ANKRD18B: variants seen among roughly 807,000 people sequenced by gnomAD.
The protein encoded by ANKRD18B is ankyrin repeat domain-containing protein 18B.
ANKRD18B carries 75 observed loss-of-function variants against 111.8 expected under a neutral mutation model. The observed-to-expected ratio is 0.67, with a 90% CI of 0.56 to 0.81. ANKRD18B has a LOEUF of 0.81. Ranked by LOEUF, ANKRD18B falls within the 40% of genes least tolerant of loss-of-function variation. The pLI, the probability that ANKRD18B is intolerant of heterozygous loss-of-function variation, is 0.00. For missense variants in ANKRD18B, 1,038 were observed against 1,225.5 expected (o/e 0.85, Z 2.28); for synonymous variants, 356 against 417.3 (o/e 0.85, Z 1.79).
Position 33,548,525 on chromosome 9 carries a change from G to C in ANKRD18B, c.1737G>C (p.Gln579His), listed in dbSNP as rs1216564360. Residue 579 changes from glutamine to histidine, a missense_variant, in exon 11 of 19, where the codon CAG (glutamine) becomes CAC (histidine). Coordinates refer to ENST00000684830, the MANE Select transcript of ANKRD18B (RefSeq NM_001393611.1). ...AGACATTGGCTTTAGAAAGTGTACA[G>C]CTGGACCTAAAGCAAGCGCAGCATC... ...REKTLALESV[Q>H]LDLKQAQHRI... 2 of 1,551,130 alleles carry C rather than the reference G, an allele frequency of 1.3e-6. No homozygotes were observed. The highest frequency in any genetic ancestry group is 2.0e-5 in the Admixed American group (1 of 50,918).
chr9:33,566,920 AT>A, intron 15 of ANKRD18B, 182 bp from the exon 16 acceptor site: 6 of 605,002 alleles, frequency 9.9e-6, no homozygotes. Flanking sequence ...ATTTTTATAA[AT>A]CAGACAATTC....
In ANKRD18B at chr9:33,571,236, C is replaced by A; in HGVS notation, c.3178-10C>A. 1.0e-6 allele frequency: 1 copy of A among 996,396 alleles called. No individual in the cohort carries two copies. The highest frequency in any genetic ancestry group is 1.2e-6 in the Non-Finnish European group (1 of 806,288). 61.7% of individuals were successfully genotyped at this position (996,396 alleles called of 1,614,324 possible). On this transcript the variant is annotated splice_polypyrimidine_tract_variant and intron_variant, in intron 17 of 18. Coordinates refer to ENST00000684830, the MANE Select transcript of ANKRD18B (RefSeq NM_001393611.1). ...AACATTATTATTATTTTTTTTTTTA[C>A]TTATTTTAGATGGAGCTGGACTGTG... is the stretch of plus-strand genomic sequence containing the variant.
At chr9:33,565,643 G>GT (rs4008856) in intron 14 of ANKRD18B, among the ~76,000 whole-genome samples, 26 of 150,762 alleles carry the variant, frequency 1.7e-4, no homozygotes, top group South Asian at 4.2e-4. Context: ...TTTTAAATTT[G>GT]TTTTTTTTTG....
intron 9 of ANKRD18B, among the ~76,000 whole-genome samples, chr9:33,542,787 G>A (rs1447505689): frequency 6.6e-6 from 1 of 152,096 alleles, no homozygotes; most frequent in African/African-American, 2.4e-5. Context: ...CAAAAATTTT[G>A]CAAATTATTA....
chr9:33,532,897 T>C (rs1467522939), intron 3 of ANKRD18B, among the ~76,000 whole-genome samples: 1 of 152,214 alleles, frequency 6.6e-6, no homozygotes, highest in Non-Finnish European at 1.5e-5. Flanking sequence ...TTGTTGGCCA[T>C]GTAATATAGT....
chr9:33,575,216 A>G (rs1195107808), downstream of ANKRD18B, among the ~76,000 whole-genome samples: 2 of 152,210 alleles, frequency 1.3e-5, no homozygotes, highest in Non-Finnish European at 2.9e-5. Flanking sequence ...CCACCAGGAC[A>G]ACCCCATCAT....
intron 14 of ANKRD18B, among the ~76,000 whole-genome samples, chr9:33,561,519 G>T (rs1198715594): frequency 6.6e-6 from 1 of 152,064 alleles, no homozygotes; most frequent in Non-Finnish European, 1.5e-5. Flanking sequence ...GTCTTCTCAG[G>T]CACAGCAGTT....
Position 33,548,231 on chromosome 9 carries a change from C to A in ANKRD18B, c.1443C>A (p.His481Gln). 3.2e-6 allele frequency: 5 copies of A among 1,551,000 alleles called. No individual in the cohort carries two copies. The highest frequency in any genetic ancestry group is 4.4e-6 in the Non-Finnish European group (5 of 1,146,614). ...RLNSKLEKEK[H>Q]NKERLEAEVE... ...ATTCAAAATTGGAGAAGGAAAAACA[C>A]AACAAAGAAAGACTAGAAGCTGAAG... is the stretch of plus-strand genomic sequence containing the variant. The change falls in exon 11 of 19, where the codon CAC (histidine) becomes CAA (glutamine). Residue 481 changes from histidine to glutamine, a missense_variant. His to Gln is a conservative substitution (Grantham distance 24). This residue lies in a region of ANKRD18B where 205 missense variants were observed against 201.3 expected (regional missense o/e 1.02). Transcript: ENST00000684830.
intron 1 of ANKRD18B, among the ~76,000 whole-genome samples, chr9:33,527,322 T>TTTGTTTGA (rs149635456): frequency 0.15 from 22,297 of 151,792 alleles, 1,811 homozygotes; most frequent in Non-Finnish European, 0.18. Context: ...TGTTTGTTTG[T>TTTGTTTGA]TTGTTTGTTT....
chr9:33,569,555 C>G (rs950096066), intron 17 of ANKRD18B, among the ~76,000 whole-genome samples: 3 of 152,032 alleles, frequency 2.0e-5, no homozygotes, highest in African/African-American at 4.8e-5. Flanking sequence ...CCTCTGTGCC[C>G]AGCCCATACT....
Position 33,548,567 on chromosome 9 carries a change from G to A in ANKRD18B, c.1779G>A (p.Lys593=), listed in dbSNP as rs2118060168. The A allele has an allele frequency of 6.4e-7, 1 of 1,551,232 alleles. No individual in the cohort carries two copies. Among genetic ancestry groups the A allele is most frequent in the South Asian group, 1.2e-5 (1 of 83,972 alleles). Residue 593 remains lysine (K), a synonymous_variant, in exon 11 of 19, where the codon AAG becomes AAA. Transcript: ENST00000684830. ...CGCAGCATCGAATAAAGGAAATGAA[G>A]CAGATGCATCCAAATGGGGAAGCTA... is the stretch of plus-strand genomic sequence containing the variant. ...KQAQHRIKEM[K]QMHPNGEAKE... is the part of the protein sequence containing the mutation.
chr9:33,548,913 C>CTA lies in ANKRD18B; in HGVS notation c.2067+62_2067+63dup, dbSNP rs1002790024. ...AGAAAATTTAAACATTTCATTGTGG[C>CTA]TATATGTTGAACGTAGTTCAATATA... On this transcript the variant is annotated intron_variant, in intron 11 of 18. Transcript: ENST00000684830. 3 of 1,374,468 alleles carry CTA rather than the reference C, an allele frequency of 2.2e-6. No individual in the cohort carries two copies. In the African/African-American group the frequency reaches 4.4e-5, roughly 20 times the overall value. 85.1% of individuals were successfully genotyped at this position (1,374,468 alleles called of 1,614,324 possible).
chr9:33,575,075 G>A (rs1224622653), downstream of ANKRD18B, among the ~76,000 whole-genome samples: 2 of 152,192 alleles, frequency 1.3e-5, no homozygotes, highest in Non-Finnish European at 2.9e-5. Flanking sequence ...TATCAAGTGG[G>A]TGGTTTTGGC....
At chr9:33,570,056 C>T (rs1163665151) in intron 17 of ANKRD18B, among the ~76,000 whole-genome samples, 1 of 152,094 alleles carries the variant, frequency 6.6e-6, no homozygotes, top group African/African-American at 2.4e-5. Context: ...CCAGGTGCAC[C>T]CAAGGTAGAT....
At chr9:33,549,436 G>A (rs938919281) in intron 11 of ANKRD18B, among the ~76,000 whole-genome samples, 5 of 152,128 alleles carry the variant, frequency 3.3e-5, no homozygotes, top group African/African-American at 7.2e-5. Flanking sequence ...AATAAGAAAT[G>A]TAACGTCTTT....
intron 13 of ANKRD18B, among the ~76,000 whole-genome samples, chr9:33,556,720 T>A: frequency 6.6e-6 from 1 of 152,344 alleles, no homozygotes; most frequent in Non-Finnish European, 1.5e-5. Context: ...TCAAATTTTT[T>A]AAAGACCTAT....
Position 33,543,303 on chromosome 9 carries a change from TC to T in ANKRD18B, c.1149+49del, listed in dbSNP as rs372216413. On this transcript the variant is annotated intron_variant, in intron 10 of 18. Coordinates refer to ENST00000684830, the MANE Select transcript of ANKRD18B (RefSeq NM_001393611.1). ...GGTTTAATATTGGTTTGTTTGTTTT[TC>T]TTTAATAACATAGCATAGTCCAAAT... 2.0e-4 allele frequency: 290 copies of T among 1,472,652 alleles called. No individual in the cohort carries two copies. In the African/African-American group the frequency reaches 3.6e-3, roughly 18 times the overall value. The allele number at this position is 1,472,652 out of a possible 1,614,324, so 91.2% of individuals were successfully genotyped here.
At chr9:33,540,705 G>GTC (rs957139557) in intron 8 of ANKRD18B, among the ~76,000 whole-genome samples, 5 of 151,774 alleles carry the variant, frequency 3.3e-5, no homozygotes, top group Admixed American at 3.3e-4. Flanking sequence ...AGGCCATGTG[G>GTC]TCTCTCTCTC....
At chr9:33,539,372 T>A (rs1480431973) in intron 6 of ANKRD18B, 77 bp from the exon 7 acceptor site, 2 of 164,392 alleles carry the variant, frequency 1.2e-5, no homozygotes, top group Non-Finnish European at 1.5e-5. Context: ...GCAGAGTGAG[T>A]GGAACTTTGC....
Sources: gnomAD v4.1 joint callset for allele counts (sites outside exome capture counted in the v4.1 genomes callset) on GRCh38, gnomAD v4.1.1 for gene constraint, gnomAD v4.1.1 regional missense constraint, MANE v1.5 for transcripts, NCBI Gene and HGNC (gene_info 2026-07-23, HGNC 2026-07-21) for gene names.